SNX14: variants seen among roughly 807,000 people sequenced by gnomAD.
SNX14 encodes sorting nexin-14.
SNX14 carries 93 observed loss-of-function variants against 133.8 expected under a neutral mutation model. That is an observed-to-expected ratio of 0.70 (90% confidence interval 0.59 to 0.83). The LOEUF (loss-of-function observed/expected upper bound fraction) is 0.83, where lower values mean the gene tolerates loss of function less well. Among genes scored for constraint, SNX14 ranks in the 40% least tolerant of loss-of-function variants. SNX14 has a pLI of 0.00. For synonymous variants in SNX14, 368 were observed against 365.6 expected (o/e 1.01, Z -0.07); for missense variants, 945 against 1,094.9 (o/e 0.86, Z 1.93).
intron 21 of SNX14, among the ~76,000 whole-genome samples, chr6:85,524,107 G>A (rs938353722): frequency 1.3e-5 from 2 of 151,300 alleles, no homozygotes; most frequent in African/African-American, 4.8e-5. Flanking sequence ...GCTTGAACCC[G>A]GGAGGCGGAG....
At chr6:85,521,525 A>G (rs950814967) in intron 21 of SNX14, among the ~76,000 whole-genome samples, 1 of 152,124 alleles carries the variant, frequency 6.6e-6, no homozygotes, top group Admixed American at 6.6e-5. Flanking sequence ...AATATTTGCA[A>G]ATATTCTCTC....
intron 1 of SNX14, among the ~76,000 whole-genome samples, chr6:85,583,846 C>T (rs930114375): frequency 2.0e-5 from 3 of 152,074 alleles, no homozygotes; most frequent in African/African-American, 7.2e-5. Flanking sequence ...AGATTCAGTC[C>T]TATCCCCATC....
chr6:85,548,042 A>T (rs1452729568), intron 9 of SNX14, among the ~76,000 whole-genome samples: 1 of 152,232 alleles, frequency 6.6e-6, no homozygotes, highest in South Asian at 2.1e-4. Context: ...TACCCAGAGT[A>T]GTCAAATTCA....
At chr6:85,531,500 C>A (rs1582675937) in intron 18 of SNX14, among the ~76,000 whole-genome samples, 1 of 152,128 alleles carries the variant, frequency 6.6e-6, no homozygotes, top group South Asian at 2.1e-4. Flanking sequence ...TTAGAAAAAA[C>A]CAACCTGATC....
At chr6:85,538,925 T>C (rs943643305) in intron 15 of SNX14, 61 bp from the exon 16 acceptor site, 12 of 1,401,788 alleles carry the variant, frequency 8.6e-6, no homozygotes, top group Non-Finnish European at 9.7e-6. Context: ...CCAGATATTA[T>C]ATAAACTTCA....
At chr6:85,545,911 G>C (rs1201130266) in intron 12 of SNX14, among the ~76,000 whole-genome samples, 1 of 152,188 alleles carries the variant, frequency 6.6e-6, no homozygotes, top group Non-Finnish European at 1.5e-5. Context: ...TCGAACTCCT[G>C]ACTTCAAGTG....
intron 26 of SNX14, among the ~76,000 whole-genome samples, chr6:85,510,768 TAAG>T (rs1772515603): frequency 6.6e-6 from 1 of 152,242 alleles, no homozygotes; most frequent in Non-Finnish European, 1.5e-5. Flanking sequence ...CCTTTGCTAA[TAAG>T]AACAGTTGCT....
chr6:85,522,448 TA>T (rs1205184936), intron 21 of SNX14, among the ~76,000 whole-genome samples: 7 of 152,344 alleles, frequency 4.6e-5, no homozygotes, highest in African/African-American at 1.7e-4. Context: ...GACTGTATTA[TA>T]GCTAGAAATC....
intron 26 of SNX14, among the ~76,000 whole-genome samples, chr6:85,513,516 A>G (rs981656738): frequency 2.0e-5 from 3 of 152,188 alleles, no homozygotes; most frequent in African/African-American, 7.2e-5. Context: ...ACAGGCCTTC[A>G]ATTGTCCCAC....
chr6:85,513,651 T>A lies in SNX14; in HGVS notation c.2653+149A>T. 5.0e-6 allele frequency: 3 copies of A among 598,226 alleles called. No individual in the cohort carries two copies. In the South Asian group the frequency reaches 6.3e-5, roughly 13 times the overall value. The allele number at this position is 598,226 out of a possible 1,614,324, so 37.1% of individuals were successfully genotyped here. ...TAGTGCTAACATCTGAAAGAATTAT[T>A]TAACTAGTGTGTTAATTTTAACTGA... is the stretch of plus-strand genomic sequence containing the variant. On this transcript the variant is annotated intron_variant, in intron 26 of 28. Coordinates refer to ENST00000314673, the MANE Select transcript of SNX14 (RefSeq NM_153816.6).
At chr6:85,515,942 A>G (rs907016446) in intron 23 of SNX14, among the ~76,000 whole-genome samples, 1 of 152,200 alleles carries the variant, frequency 6.6e-6, no homozygotes, top group Non-Finnish European at 1.5e-5. Flanking sequence ...TCTGTTGACA[A>G]TAATCACTAA....
chr6:85,534,208 G>A (rs1225914814), intron 17 of SNX14, among the ~76,000 whole-genome samples: 1 of 152,196 alleles, frequency 6.6e-6, no homozygotes, highest in African/African-American at 2.4e-5. Context: ...GCTTTCACCT[G>A]TAATCCCAGC....
At chr6:85,551,726 A>T (rs1428916257) in intron 7 of SNX14, among the ~76,000 whole-genome samples, 1 of 152,236 alleles carries the variant, frequency 6.6e-6, no homozygotes, top group Non-Finnish European at 1.5e-5. Context: ...ACTTGTGTTC[A>T]CAATAGAATA....
At chr6:85,524,699 G>A (rs143578473) in intron 21 of SNX14, among the ~76,000 whole-genome samples, 39 of 151,544 alleles carry the variant, frequency 2.6e-4, no homozygotes, top group African/African-American at 8.5e-4. Flanking sequence ...CAGGAGAATC[G>A]CTTGAACCTG....
intron 6 of SNX14, among the ~76,000 whole-genome samples, chr6:85,562,106 T>A (rs1041067823): frequency 6.6e-5 from 10 of 152,184 alleles, no homozygotes; most frequent in East Asian, 3.8e-4. Context: ...AATATTTGAT[T>A]TTATGTTCCT....
intron 4 of SNX14, among the ~76,000 whole-genome samples, chr6:85,569,958 A>C (rs1262259042): frequency 6.6e-6 from 1 of 152,144 alleles, no homozygotes; most frequent in Non-Finnish European, 1.5e-5. Flanking sequence ...TTCCTTTTGA[A>C]AGCTCTACTC....
At chr6:85,521,779 C>T (rs1310827256) in intron 21 of SNX14, among the ~76,000 whole-genome samples, 1 of 152,178 alleles carries the variant, frequency 6.6e-6, no homozygotes, top group African/African-American at 2.4e-5. Context: ...GTTTTGTTGC[C>T]TATGCTTTTG....
At position 85,574,557 on chromosome 6, in the gene SNX14, CA is replaced by C. The variant is rs1381336404; in HGVS notation, c.141-180del. Among the ~76,000 whole-genome samples the C allele has an allele frequency of 1.2e-4, 19 of 152,166 alleles. No individual in the cohort carries two copies. The East Asian group carries it at 3.7e-3, about 29-fold the overall frequency. ...ACAAGAATCATAAGATGTATGCTAT[CA>C]AATACATATTTCATTTAAAGGATAA... is the stretch of plus-strand genomic sequence containing the variant. On this transcript the variant is annotated intron_variant, in intron 1 of 28. Coordinates refer to ENST00000314673, the MANE Select transcript of SNX14 (RefSeq NM_153816.6).
intron 6 of SNX14, among the ~76,000 whole-genome samples, chr6:85,560,310 A>C (rs1298403817): frequency 6.6e-6 from 1 of 152,224 alleles, no homozygotes; most frequent in Admixed American, 6.5e-5. Context: ...AAAGAATGAA[A>C]TATTGATACA....
Sources: allele counts gnomAD v4.1 joint callset (sites outside exome capture counted in the v4.1 genomes callset), GRCh38; gene constraint gnomAD v4.1.1; transcripts MANE v1.5; gene names NCBI Gene and HGNC (gene_info 2026-07-23, HGNC 2026-07-21).